The following ZBTB16 variants were observed in gnomAD, a reference collection of about 807,000 sequenced individuals.
ZBTB16 encodes the protein zinc finger and BTB domain containing 16, also known as zinc finger and BTB domain-containing protein 16.
Under a neutral mutation model 56.8 loss-of-function variants are expected in ZBTB16, and 8 were observed. The observed-to-expected ratio is 0.14, with a 90% CI of 0.08 to 0.25. ZBTB16 has a LOEUF of 0.25. ZBTB16 is among the 10% of genes least tolerant of loss of function. ZBTB16 has a pLI of 1.00. For synonymous variants in ZBTB16, 363 were observed against 368.5 expected, an observed-to-expected ratio of 0.98 and a Z score of 0.17; for missense variants, 625 against 903.0, an observed-to-expected ratio of 0.69 and a Z score of 3.95.
chr11:114,241,934 A>G (rs1184061177), intron 4 of ZBTB16, among the ~76,000 whole-genome samples: 2 of 152,098 alleles, frequency 1.3e-5, no homozygotes, highest in Non-Finnish European at 2.9e-5. Context: ...TATTTGATCA[A>G]TGTCTATCCT....
intron 2 of ZBTB16, among the ~76,000 whole-genome samples, chr11:114,136,579 C>T (rs751695495): frequency 3.3e-5 from 5 of 151,986 alleles, no homozygotes; most frequent in Middle Eastern, 3.2e-3. Context: ...AGGTTCTTAC[C>T]TTCTATTATC....
In ZBTB16 at chr11:114,063,810, T is replaced by C; in HGVS notation, c.510T>C (p.Ser170=). 5.6e-6 allele frequency: 9 copies of C among 1,614,136 alleles called. No individual in the cohort carries two copies. The highest frequency in any genetic ancestry group is 6.8e-6 in the Non-Finnish European group (8 of 1,180,022). The change falls in exon 2 of 7, where the codon AGT becomes AGC. Residue 170 remains serine, a synonymous_variant. Transcript: ENST00000335953. This position sits in a 1 kb window ranked among gnomAD's most constrained non-coding sequence, Gnocchi z 6.5. ...KHSSEESGYA[S]VAGQSLPGPM... Reference sequence around the variant, plus strand: ...CCAGCGAGGAGAGTGGGTATGCCAGTGTGGCTGGACAGAGCCTCCCTGGGC... The same window carrying C: ...CCAGCGAGGAGAGTGGGTATGCCAGCGTGGCTGGACAGAGCCTCCCTGGGC...
intron 2 of ZBTB16, among the ~76,000 whole-genome samples, chr11:114,150,857 T>C (rs1220336379): frequency 6.6e-6 from 1 of 152,136 alleles, no homozygotes; most frequent in African/African-American, 2.4e-5. Context: ...TTGGCAGAGC[T>C]CCATAAAGGG....
intron 2 of ZBTB16, among the ~76,000 whole-genome samples, chr11:114,118,984 G>A (rs953860291): frequency 9.2e-5 from 14 of 152,196 alleles, no homozygotes; most frequent in Admixed American, 3.3e-4. Flanking sequence ...TTTAGAGGGG[G>A]CCAGGTGCGG....
chr11:114,119,633 G>T (rs2137800738), intron 2 of ZBTB16, among the ~76,000 whole-genome samples: 1 of 152,258 alleles, frequency 6.6e-6, no homozygotes, highest in East Asian at 1.9e-4. Context: ...ACTTCTGTTT[G>T]GGTCTCTGCA....
chr11:114,113,834 A>G (rs926994372), intron 2 of ZBTB16, among the ~76,000 whole-genome samples: 1 of 152,254 alleles, frequency 6.6e-6, no homozygotes, highest in African/African-American at 2.4e-5. Context: ...TCATCTAATC[A>G]TCCAGTTAGT....
At chr11:114,074,922 T>A (rs1197526886) in intron 2 of ZBTB16, among the ~76,000 whole-genome samples, 5 of 152,136 alleles carry the variant, frequency 3.3e-5, no homozygotes, top group Non-Finnish European at 7.3e-5. Context: ...GCCTTGAACT[T>A]TTGATTTATG....
intron 4 of ZBTB16, among the ~76,000 whole-genome samples, chr11:114,221,029 T>C (rs73567926): frequency 7.3e-4 from 111 of 152,292 alleles, no homozygotes; most frequent in African/African-American, 2.5e-3. Flanking sequence ...TGATCCGTGG[T>C]GGTTTTTCTG....
At chr11:114,246,729 G>A in intron 5 of ZBTB16, 1 of 211,888 alleles carries the variant, frequency 4.7e-6, no homozygotes, top group Non-Finnish European at 9.7e-6. Flanking sequence ...GTAAGACTGT[G>A]GAGGAAGGAA....
At chr11:114,249,918 C>T (rs943322788) in intron 6 of ZBTB16, among the ~76,000 whole-genome samples, 23 of 152,044 alleles carry the variant, frequency 1.5e-4, no homozygotes, top group African/African-American at 2.9e-4. Flanking sequence ...GCTCTCTGGA[C>T]GGAACTGTGG....
At chr11:114,088,448 T>C (rs1434312204) in intron 2 of ZBTB16, among the ~76,000 whole-genome samples, 1 of 152,144 alleles carries the variant, frequency 6.6e-6, no homozygotes, top group Non-Finnish European at 1.5e-5. Context: ...GGCCTGGATC[T>C]TTTATTGTTT....
intron 2 of ZBTB16, among the ~76,000 whole-genome samples, chr11:114,129,065 G>A (rs554315584): frequency 4.1e-4 from 62 of 152,324 alleles, no homozygotes; most frequent in African/African-American, 1.3e-3. Context: ...CTGGGTCTGC[G>A]TGGGTGGGGG....
At chr11:114,156,553 C>T (rs1279939391) in intron 3 of ZBTB16, 119 bp downstream of exon 3, 6 of 930,472 alleles carry the variant, frequency 6.4e-6, no homozygotes, top group Non-Finnish European at 1.0e-5. Context: ...GGGCCCTGGT[C>T]CATCTTGTTC....
intron 2 of ZBTB16, among the ~76,000 whole-genome samples, chr11:114,110,859 A>G (rs1940978635): frequency 6.6e-6 from 1 of 152,176 alleles, no homozygotes; most frequent in African/African-American, 2.4e-5. Flanking sequence ...TCTTTGTAAA[A>G]ACTGAATTCT....
intron 2 of ZBTB16, among the ~76,000 whole-genome samples, chr11:114,129,786 G>C (rs1184024634): frequency 6.6e-6 from 1 of 152,134 alleles, no homozygotes; most frequent in African/African-American, 2.4e-5. Flanking sequence ...GCATCCCTAG[G>C]CTCCCTTTTC....
intron 4 of ZBTB16, among the ~76,000 whole-genome samples, chr11:114,195,720 C>T (rs1178766209): frequency 2.6e-5 from 4 of 152,126 alleles, no homozygotes; most frequent in South Asian, 2.1e-4. Flanking sequence ...ATATAGGCCT[C>T]GCATGGAGTA....
chr11:114,076,481 C>T (rs1025133768), intron 2 of ZBTB16, among the ~76,000 whole-genome samples: 3 of 152,078 alleles, frequency 2.0e-5, no homozygotes, highest in Admixed American at 1.3e-4. Flanking sequence ...CGCTTAGAGC[C>T]GGTGAAAGCT....
intron 2 of ZBTB16, among the ~76,000 whole-genome samples, chr11:114,123,353 A>T (rs1941397664): frequency 6.6e-6 from 1 of 152,164 alleles, no homozygotes; most frequent in African/African-American, 2.4e-5. Context: ...GAAAAGGCTG[A>T]ATACCCTGCC....
chr11:114,230,496 G>A (rs997331905), intron 4 of ZBTB16, among the ~76,000 whole-genome samples: 1 of 152,028 alleles, frequency 6.6e-6, no homozygotes, highest in Non-Finnish European at 1.5e-5. Flanking sequence ...CGGGAAGGCC[G>A]CATGGTGTCT....
Sources: allele counts gnomAD v4.1 joint callset (sites outside exome capture counted in the v4.1 genomes callset), GRCh38; gene constraint gnomAD v4.1.1; non-coding constraint Gnocchi (gnomAD v3.1); transcripts MANE v1.5; gene names NCBI Gene and HGNC (gene_info 2026-07-23, HGNC 2026-07-21).